The following DCST2 variants were observed in gnomAD, a reference collection of about 807,000 sequenced individuals.
DCST2 encodes the protein DC-STAMP domain-containing protein 2.
DCST2 carries 64 observed loss-of-function variants against 81.8 expected under a neutral mutation model. That is an observed-to-expected ratio of 0.78 (90% confidence interval 0.64 to 0.96). The LOEUF (loss-of-function observed/expected upper bound fraction) is 0.96. Among genes scored for constraint, DCST2 ranks in the 40% least tolerant of loss-of-function variants. The probability of loss-of-function intolerance (pLI) is 0.00; values close to 1 mark genes in which losing one functional copy is unlikely to be tolerated. For synonymous variants in DCST2, 354 were observed against 402.6 expected (o/e 0.88, Z 1.44); for missense variants, 945 against 1,001.4 (o/e 0.94, Z 0.76).
At chr1:155,027,000 G>A (rs1179291918) in intron 8 of DCST2, among the ~76,000 whole-genome samples, 1 of 151,686 alleles carries the variant, frequency 6.6e-6, no homozygotes, top group Non-Finnish European at 1.5e-5. Context: ...TCCACCCCCC[G>A]GCCTCCATGA....
Position 155,030,511 on chromosome 1 carries a change from T to C in DCST2, c.940A>G (p.Met314Val), listed in dbSNP as rs1660043289. The C allele has an allele frequency of 1.9e-6, 3 of 1,614,102 alleles. No homozygotes were observed. The highest frequency in any genetic ancestry group is 1.3e-5 in the African/African-American group (1 of 75,026). Reference sequence around the variant, plus strand: ...GCCTCTCGGACACGGTGCAGCTTCATGCTGACAGCCTCGTGGAGGTCCATG... The same window carrying C: ...GCCTCTCGGACACGGTGCAGCTTCACGCTGACAGCCTCGTGGAGGTCCATG... ...VAMDLHEAVS[M>V]KLHRVREALA... The change falls in exon 6 of 15, where the codon ATG becomes GTG. Residue 314 changes from methionine to valine, a missense_variant. Physicochemically the swap from Met to Val is conservative, Grantham distance 21. Transcript: ENST00000368424.
chr1:155,032,141 G>A (rs1410359305), intron 3 of DCST2, among the ~76,000 whole-genome samples: 4 of 151,962 alleles, frequency 2.6e-5, no homozygotes, highest in Non-Finnish European at 5.9e-5. Flanking sequence ...CTACAGCTGC[G>A]TGCCACCACG....
intron 12 of DCST2, 52 bp downstream of exon 12, chr1:155,023,780 G>C: frequency 1.2e-6 from 2 of 1,608,872 alleles, no homozygotes; most frequent in South Asian, 1.1e-5. Flanking sequence ...ATTGTCATAT[G>C]CAAGTGGGGT....
rs1660168794 is a variant in DCST2 at position 155,033,536 on chromosome 1, G to C, written c.166C>G (p.Leu56Val). ...GCAGCCAAAGTGAGGGTGCCCACCA[G>C]GCAACCCCAGGGGCTGTGGCCTTCC... is the stretch of plus-strand genomic sequence containing the variant. ...LVEGHSPWGC[L>V]VGTLTLAAFL... Residue 56 changes from leucine (L) to valine (V), a missense_variant, in exon 1 of 15, where the codon CTG (leucine) becomes GTG (valine). Physicochemically the swap from Leu to Val is conservative, Grantham distance 32. Transcript: ENST00000368424. 6.2e-7 allele frequency: 1 copy of C among 1,614,126 alleles called. No homozygotes were observed. The highest frequency in any genetic ancestry group is 8.5e-7 in the Non-Finnish European group (1 of 1,180,008).
At position 155,023,973 on chromosome 1, in the gene DCST2, C is replaced by A; in HGVS notation, c.1743-14G>T. On this transcript the variant is annotated splice_polypyrimidine_tract_variant and intron_variant, in intron 11 of 14. Coordinates refer to ENST00000368424, the MANE Select transcript of DCST2 (RefSeq NM_144622.3). ...AGGCAGGGGCACCTGAGAAAAGGGT[C>A]ACAGACACTAAGCAGGCCAGCCCAG... 1 of 1,610,678 alleles carries A rather than the reference C, an allele frequency of 6.2e-7. No homozygotes were observed. The highest frequency in any genetic ancestry group is 1.1e-5 in the South Asian group (1 of 90,670).
At position 155,031,186 on chromosome 1, in the gene DCST2, C is replaced by A. The variant is rs371287152; in HGVS notation, c.788G>T (p.Arg263Leu). The stretch of plus-strand genomic sequence containing the variant: ...TCACTCACGGGTGCCGATGGTCTGG[C>A]GCAAGAAGGGTTGAATGTACTTAGG... ...VIPKYIQPFL[R>L]QTIGTPVIQL... The change falls in exon 5 of 15, where the codon CGC becomes CTC. Residue 263 changes from arginine (R) to leucine (L), a missense_variant. Arg to Leu is a moderately radical substitution (Grantham distance 102). Transcript: ENST00000368424. 6.3e-7 allele frequency: 1 copy of A among 1,592,050 alleles called. No individual in the cohort carries two copies.
Position 155,023,370 on chromosome 1 carries a change from A to G in DCST2, c.1958T>C (p.Leu653Pro). ...SPLSYQGDLDLELDSSDEEGP... is the reference protein window; with the variant it reads ...SPLSYQGDLDPELDSSDEEGP... ...ATGTCACTGAAAGACTCACAGCTCC[A>G]GGTCCAGGTCCCCCTGGTAGGAGAG... Residue 653 changes from leucine to proline, a missense_variant, in exon 13 of 15, where the codon CTG becomes CCG. Transcript: ENST00000368424. 6.2e-7 allele frequency: 1 copy of G among 1,608,774 alleles called. No individual in the cohort carries two copies. The highest frequency in any genetic ancestry group is 1.1e-5 in the South Asian group (1 of 90,224).
intron 11 of DCST2, among the ~76,000 whole-genome samples, 193 bp downstream of exon 11, chr1:155,024,279 C>T (rs1186372471): frequency 6.6e-6 from 1 of 152,046 alleles, no homozygotes; most frequent in Non-Finnish European, 1.5e-5. Flanking sequence ...TGCACATGTA[C>T]CCTAAAACTT....
chr1:155,027,200 T>A (rs78631147), intron 8 of DCST2, among the ~76,000 whole-genome samples: 1 of 53,730 alleles, frequency 1.9e-5, no homozygotes, highest in East Asian at 6.4e-3. Context: ...GACCGGCTAT[T>A]TTTTTTTTTT....
intron 8 of DCST2, among the ~76,000 whole-genome samples, chr1:155,027,932 A>T (rs1659959359): frequency 6.8e-6 from 1 of 146,132 alleles, no homozygotes; most frequent in South Asian, 2.2e-4. Context: ...TTATTTTATT[A>T]TTATTATTTT....
At chr1:155,025,609 G>A (rs1659878442) in intron 10 of DCST2, among the ~76,000 whole-genome samples, 2 of 152,112 alleles carry the variant, frequency 1.3e-5, no homozygotes, top group Non-Finnish European at 1.5e-5. Context: ...TTACAGGCAT[G>A]AGCCACCAAA....
Position 155,022,285 on chromosome 1 carries a change from C to T in DCST2, c.2105+832G>A, listed in dbSNP as rs144756333. On this transcript the variant is annotated intron_variant, in intron 14 of 14. Transcript: ENST00000368424. Reference sequence around the variant, plus strand: ...CTTGACTTCCAACCTCATCTCCCAGCATTCTCTGAGGTCTCTACCCAGCCA... The same window carrying T: ...CTTGACTTCCAACCTCATCTCCCAGTATTCTCTGAGGTCTCTACCCAGCCA... Among the ~76,000 whole-genome samples, 339 of 152,300 alleles carry T rather than the reference C, an allele frequency of 2.2e-3. 17 individuals are homozygous for T. In the East Asian group the frequency reaches 0.058, roughly 26 times the overall value.
chr1:155,025,397 C>T (rs557344328), intron 10 of DCST2, among the ~76,000 whole-genome samples: 26 of 150,228 alleles, frequency 1.7e-4, no homozygotes, highest in African/African-American at 5.9e-4. Flanking sequence ...TGCGCAATCT[C>T]GGCTCACTGC....
chr1:155,028,124 T>G (rs1298048888), intron 8 of DCST2, among the ~76,000 whole-genome samples: 1 of 151,162 alleles, frequency 6.6e-6, no homozygotes, highest in East Asian at 2.0e-4. Context: ...TGGGGTTTCA[T>G]TATGTTGGCC....
chr1:155,021,688 C>T (rs1386061287), intron 14 of DCST2, among the ~76,000 whole-genome samples: 3 of 151,946 alleles, frequency 2.0e-5, no homozygotes, highest in African/African-American at 7.3e-5. Flanking sequence ...GTCGTCTTTC[C>T]CCAGAACCTG....
In DCST2 at chr1:155,030,167, C is replaced by G. The variant is rs200847364; in HGVS notation, c.1094G>C (p.Arg365Pro). 2 of 1,614,036 alleles carry G rather than the reference C, an allele frequency of 1.2e-6. No individual in the cohort carries two copies. The highest frequency in any genetic ancestry group is 1.7e-6 in the Non-Finnish European group (2 of 1,180,036). ...TGCCGTGGAGCGCACAGCCTCCATG[C>G]GCAGGAATCGGCTAGTGATGTAGAT... ...DNIYITSRFL[R>P]MEAVRSTAGL... is the part of the protein sequence containing the mutation. The change falls in exon 7 of 15, where the codon CGC (arginine) becomes CCC (proline). Residue 365 changes from arginine to proline, a missense_variant. Arg to Pro is a moderately radical substitution (Grantham distance 103). Transcript: ENST00000368424.
At chr1:155,032,568 C>T (rs1188286904) in intron 3 of DCST2, 99 bp downstream of exon 3, 28 of 943,902 alleles carry the variant, frequency 3.0e-5, no homozygotes, top group African/African-American at 1.8e-4. Flanking sequence ...TCTCCCACCT[C>T]GGCCTCGCAA....
chr1:155,023,484 T>C (rs1471452784), intron 12 of DCST2, 27 bp from the exon 13 acceptor site: 2 of 1,563,122 alleles, frequency 1.3e-6, no homozygotes, highest in African/African-American at 2.7e-5. Flanking sequence ...GGAATGGAGG[T>C]GAACCCGAGT....
chr1:155,028,082 G>A (rs950367326), intron 8 of DCST2, among the ~76,000 whole-genome samples: 4 of 151,696 alleles, frequency 2.6e-5, no homozygotes, highest in Non-Finnish European at 4.4e-5. Flanking sequence ...CTGCCACGAC[G>A]CCTGGCTAAT....
Sources: gnomAD v4.1 joint callset for allele counts (sites outside exome capture counted in the v4.1 genomes callset) on GRCh38, gnomAD v4.1.1 for gene constraint, MANE v1.5 for transcripts, NCBI Gene and HGNC (gene_info 2026-07-23, HGNC 2026-07-21) for gene names.